SV2C: variants seen among roughly 807,000 people sequenced by gnomAD.
SV2C encodes solute carrier family 22 member B3.
In SV2C, 49 loss-of-function variants were observed where a neutral mutation model predicts 79.7. That is an observed-to-expected ratio of 0.61 (90% CI 0.49 to 0.78). The LOEUF (loss-of-function observed/expected upper bound fraction) is 0.78. Among genes scored for constraint, SV2C ranks in the 30% least tolerant of loss-of-function variants. The pLI is 0.00. For missense variants in SV2C, 833 were observed against 912.9 expected (o/e 0.91, Z 1.13); for synonymous variants, 334 against 333.2 (o/e 1.00, Z -0.03).
At chr5:75,967,667 G>A in the SV2C span, among the ~76,000 whole-genome samples, 2 of 152,208 alleles carry the variant, frequency 1.3e-5, no homozygotes, top group African/African-American at 2.4e-5. Flanking sequence ...TAAACAAAGT[G>A]GCCAGGAAGC....
chr5:75,881,170 C>G, the SV2C span, among the ~76,000 whole-genome samples: 1 of 152,124 alleles, frequency 6.6e-6, no homozygotes, highest in African/African-American at 2.4e-5. Context: ...GCCCCATATC[C>G]AAAACTGGGG....
chr5:76,209,112 C>T lies in SV2C; in HGVS notation c.762-624C>T, dbSNP rs573585354. 1.4e-4 allele frequency among the ~76,000 whole-genome samples: 21 copies of T among 152,274 alleles called. No homozygotes were observed. The South Asian group carries it at 4.4e-3, about 32-fold the overall frequency. On this transcript the variant is annotated intron_variant, in intron 3 of 12. Coordinates refer to ENST00000502798, the MANE Select transcript of SV2C (RefSeq NM_014979.4). ...TAAACCACCAGCTCCTTATTTTATT[C>T]TACAAGTGTCCCTTTCATGTTTACT...
rs574046375 is a variant in SV2C, at chr5:76,122,164, C to G, written c.-101-9486C>G. On this transcript the variant is annotated intron_variant, in intron 1 of 12. Transcript: ENST00000502798. ...ATGGGAGATCACTCATAATTTGGCT[C>G]TCTGTTTGTCTGTTATTGGTGTATA... Among the ~76,000 whole-genome samples, 43 of 150,700 alleles carry G rather than the reference C, an allele frequency of 2.9e-4. No individual in the cohort carries two copies. The South Asian group carries it at 6.9e-3, about 24-fold the overall frequency.
chr5:76,005,505 A>C, the SV2C span, among the ~76,000 whole-genome samples: 1 of 152,126 alleles, frequency 6.6e-6, no homozygotes, highest in Non-Finnish European at 1.5e-5. Flanking sequence ...ACCTCCCTCT[A>C]ATAATTTCAT....
chr5:76,142,425 C>T (rs1267350720), intron 2 of SV2C, among the ~76,000 whole-genome samples: 2 of 152,152 alleles, frequency 1.3e-5, no homozygotes, highest in African/African-American at 4.8e-5. Context: ...GTCATAACTG[C>T]AATTATGTAA....
chr5:76,050,655 T>C, the SV2C span, among the ~76,000 whole-genome samples: 9 of 152,134 alleles, frequency 5.9e-5, no homozygotes, highest in African/African-American at 2.2e-4. Context: ...CAAAGCCTCG[T>C]CAAAACCCTC....
At chr5:75,931,179 T>C in the SV2C span, among the ~76,000 whole-genome samples, 1 of 152,164 alleles carries the variant, frequency 6.6e-6, no homozygotes. Flanking sequence ...TGTCCTGTCT[T>C]ATGAGATAGA....
the SV2C span, chr5:75,920,857 T>C: frequency 1.3e-6 from 1 of 760,832 alleles, no homozygotes; most frequent in Non-Finnish European, 2.5e-6. Context: ...ACAGGGTGAA[T>C]CTTATTGTAA....
chr5:75,916,312 C>T, the SV2C span, among the ~76,000 whole-genome samples: 2 of 117,492 alleles, frequency 1.7e-5, no homozygotes, highest in East Asian at 6.2e-4. Flanking sequence ...TCCCCTTTCT[C>T]GTCCTCTTCC....
intron 4 of SV2C, among the ~76,000 whole-genome samples, chr5:76,248,353 T>C (rs529273657): frequency 3.0e-4 from 45 of 152,348 alleles, no homozygotes; most frequent in East Asian, 1.9e-4. Flanking sequence ...TTTTAGATGG[T>C]TGCCTTCTTG....
At chr5:76,274,184 C>T (rs567142542) in intron 4 of SV2C, among the ~76,000 whole-genome samples, 1 of 152,316 alleles carries the variant, frequency 6.6e-6, no homozygotes, top group African/African-American at 2.4e-5. Flanking sequence ...CCATCAGGGC[C>T]TGTGTCTCAA....
chr5:75,969,971 G>A, the SV2C span, among the ~76,000 whole-genome samples: 4 of 152,112 alleles, frequency 2.6e-5, 1 homozygote, highest in Admixed American at 6.5e-5. Flanking sequence ...ATAACAAACT[G>A]TCTCTCAGAC....
chr5:75,943,221 G>A, the SV2C span, among the ~76,000 whole-genome samples: 19 of 152,154 alleles, frequency 1.2e-4, no homozygotes, highest in Non-Finnish European at 1.5e-5. Flanking sequence ...GAGGTCTCAA[G>A]CTCACGCTAT....
the SV2C span, among the ~76,000 whole-genome samples, chr5:75,954,866 T>A: frequency 0.058 from 7,888 of 135,168 alleles, 522 homozygotes; most frequent in African/African-American, 0.23. Context: ...CAAGGAGAAC[T>A]ACAAACCACT....
chr5:76,186,801 A>AGAG (rs1743934055), intron 2 of SV2C, among the ~76,000 whole-genome samples: 1 of 117,274 alleles, frequency 8.5e-6, no homozygotes, highest in Non-Finnish European at 1.8e-5. Flanking sequence ...CAGCAGGAGA[A>AGAG]TGAGCACTGA....
At chr5:76,098,131 G>A (rs901949447) in intron 1 of SV2C, among the ~76,000 whole-genome samples, 5 of 152,174 alleles carry the variant, frequency 3.3e-5, no homozygotes, top group Admixed American at 1.3e-4. Context: ...GAGATGCCCA[G>A]TAGGAATCTG....
intron 4 of SV2C, chr5:76,281,379 T>C: frequency 4.6e-6 from 1 of 216,696 alleles, no homozygotes; most frequent in South Asian, 6.0e-5. Flanking sequence ...TTTTTAAAAA[T>C]AAACTTGTTA....
At chr5:75,958,059 C>T in the SV2C span, among the ~76,000 whole-genome samples, 1 of 151,972 alleles carries the variant, frequency 6.6e-6, no homozygotes, top group African/African-American at 2.4e-5. Flanking sequence ...GCCCGTGGTG[C>T]TACAGGTAAC....
chr5:76,030,289 T>TTTTAATTTATTTATTTA, the SV2C span, among the ~76,000 whole-genome samples: 141 of 117,902 alleles, frequency 1.2e-3, 2 homozygotes, highest in African/African-American at 5.2e-3. Context: ...TTTTTTTTTT[T>TTTTAATTTATTTATTTA]TTTATTTATT....
Sources: gnomAD v4.1 joint callset for allele counts (sites outside exome capture counted in the v4.1 genomes callset) on GRCh38, gnomAD v4.1.1 for gene constraint, MANE v1.5 for transcripts, NCBI Gene and HGNC (gene_info 2026-07-23, HGNC 2026-07-21) for gene names.